HPCAL1: variants seen among roughly 807,000 people sequenced by gnomAD.
HPCAL1 encodes hippocalcin like 1, also known as hippocalcin-like protein 1.
HPCAL1 carries 8 observed loss-of-function variants against 17.1 expected under a neutral mutation model. That is an observed-to-expected ratio of 0.47 (90% CI 0.27 to 0.84). The LOEUF is 0.84. Among genes scored for constraint, HPCAL1 ranks in the 40% least tolerant of loss-of-function variants. The probability of loss-of-function intolerance (pLI) is 0.13; values close to 1 mark genes in which losing one functional copy is unlikely to be tolerated. For missense variants in HPCAL1, 165 were observed against 271.1 expected (o/e 0.61, Z 2.75); for synonymous variants, 112 against 111.4 (o/e 1.01, Z -0.03).
intron 1 of HPCAL1, among the ~76,000 whole-genome samples, chr2:10,325,868 C>T (rs1663977023): frequency 6.6e-6 from 1 of 152,242 alleles, no homozygotes; most frequent in African/African-American, 2.4e-5. Flanking sequence ...ATGGCCATTT[C>T]CTTGCTGCAT....
intron 1 of HPCAL1, among the ~76,000 whole-genome samples, chr2:10,364,321 C>A (rs1392494710): frequency 6.6e-6 from 1 of 152,220 alleles, no homozygotes; most frequent in Non-Finnish European, 1.5e-5. Context: ...CTGGCCAGAG[C>A]CCTGAGCACC....
At chr2:10,376,147 C>T (rs1667544196) in intron 1 of HPCAL1, among the ~76,000 whole-genome samples, 1 of 152,188 alleles carries the variant, frequency 6.6e-6, no homozygotes, top group South Asian at 2.1e-4. Context: ...TAAGCTACAC[C>T]AGAAGCAGAT....
In HPCAL1 at chr2:10,363,513, ACGT is replaced by A. The variant is rs1666648882; in HGVS notation, c.-110-33321_-110-33319del. Among the ~76,000 whole-genome samples, 3 of 152,028 alleles carry A rather than the reference ACGT, an allele frequency of 2.0e-5. No homozygotes were observed. The highest frequency in any genetic ancestry group is 2.9e-5 in the Non-Finnish European group (2 of 68,022). The stretch of plus-strand genomic sequence containing the variant: ...ACATAGTCCTGCCTATACCCTCTAC[ACGT>A]GGCGTTTCAGGTCTGGAGAGTCATG... On this transcript the variant is annotated intron_variant, in intron 1 of 4. Transcript: ENST00000307845. This position sits in a 1 kb window ranked among gnomAD's most constrained non-coding sequence, Gnocchi z 4.7.
Position 10,423,222 on chromosome 2 carries a change from C to T in HPCAL1, c.484+134C>T. The stretch of plus-strand genomic sequence containing the variant: ...CCCCCGCCCGCCACCTGCCTGGCGC[C>T]TGCCATGCCCAGGGAAGAGCGGGAT... On this transcript the variant is annotated intron_variant, in intron 4 of 4. Coordinates refer to ENST00000307845, the MANE Select transcript of HPCAL1 (RefSeq NM_002149.4). The T allele has an allele frequency of 4.4e-6, 3 of 685,448 alleles. No homozygotes were observed. In the South Asian group the frequency reaches 5.1e-5, roughly 12 times the overall value. The allele number at this position is 685,448 out of a possible 1,614,324, so 42.5% of individuals were successfully genotyped here.
At position 10,366,515 on chromosome 2, in the gene HPCAL1, C is replaced by T. The variant is rs537880616; in HGVS notation, c.-110-30320C>T. On this transcript the variant is annotated intron_variant, in intron 1 of 4. Coordinates refer to ENST00000307845, the MANE Select transcript of HPCAL1 (RefSeq NM_002149.4). ...CCTCCCAAAGTGCTGAGATTACAGG[C>T]GTGAGCCACCACGCCTGGCCCCTTA... Among the ~76,000 whole-genome samples, 11 of 152,300 alleles carry T rather than the reference C, an allele frequency of 7.2e-5. No individual in the cohort carries two copies. In the South Asian group the frequency reaches 1.9e-3, roughly 26 times the overall value.
At position 10,419,794 on chromosome 2, in the gene HPCAL1, C is replaced by T. The variant is rs1379978350; in HGVS notation, c.37C>T (p.Leu13=). The T allele has an allele frequency of 1.9e-6, 3 of 1,613,278 alleles. No homozygotes were observed. Among genetic ancestry groups the T allele is most frequent in the Admixed American group, 1.7e-5 (1 of 60,012 alleles). Residue 13 remains leucine, a synonymous_variant, in exon 3 of 5, where the codon CTG becomes TTG. Transcript: ENST00000307845. This position sits in a 1 kb window ranked among gnomAD's most constrained non-coding sequence, Gnocchi z 5.0. ...GAACAGCAAGCTGCGGCCCGAGGTG[C>T]TGCAGGACCTGCGGGAGAACACGGA... ...KQNSKLRPEV[L]QDLRENTEFT...
rs555923167 is a variant in HPCAL1 at position 10,398,523 on chromosome 2, T to G, written c.-25+1603T>G. Among the ~76,000 whole-genome samples the G allele has an allele frequency of 3.9e-4, 60 of 152,288 alleles. 1 individual carries two copies. The highest frequency in any genetic ancestry group is 1.4e-3 in the African/African-American group (59 of 41,554). ...GTGAGGGGTGGAGGGCAGATACCAG[T>G]GGCAGGTTTCATCTGTGGCCCTGGT... is the stretch of plus-strand genomic sequence containing the variant. On this transcript the variant is annotated intron_variant, in intron 2 of 4. Transcript: ENST00000307845.
Position 10,363,157 on chromosome 2 carries a change from A to C in HPCAL1, c.-110-33678A>C, listed in dbSNP as rs1429493452. On this transcript the variant is annotated intron_variant, in intron 1 of 4. Transcript: ENST00000307845. This position sits in a 1 kb window ranked among gnomAD's most constrained non-coding sequence, Gnocchi z 4.7. Reference sequence around the variant, plus strand: ...AAAAAATAAAACCCATTCTCACTCTAACCCATGCTGTATCTGATTTTTTTC... The same window carrying C: ...AAAAAATAAAACCCATTCTCACTCTCACCCATGCTGTATCTGATTTTTTTC... Among the ~76,000 whole-genome samples, 1 of 152,108 alleles carries C rather than the reference A, an allele frequency of 6.6e-6. No individual in the cohort carries two copies. Among genetic ancestry groups the C allele is most frequent in the Non-Finnish European group, 1.5e-5 (1 of 68,030 alleles).
At chr2:10,313,498 C>A (rs909479441) in intron 1 of HPCAL1, among the ~76,000 whole-genome samples, 2 of 152,206 alleles carry the variant, frequency 1.3e-5, no homozygotes, top group Non-Finnish European at 2.9e-5. Flanking sequence ...TAGGTCAGGG[C>A]ACTGCTAGTG....
chr2:10,399,466 T>TCAC (rs1669395090), intron 2 of HPCAL1, among the ~76,000 whole-genome samples: 1 of 35,470 alleles, frequency 2.8e-5, no homozygotes, highest in Non-Finnish European at 6.0e-5. Flanking sequence ...ACCACCACCA[T>TCAC]CACCATCATC....
rs1324265845 is a variant in HPCAL1 at position 10,319,460 on chromosome 2, A to AAGCACAG, written c.-111+16285_-111+16291dup. On this transcript the variant is annotated intron_variant, in intron 1 of 4. Coordinates refer to ENST00000307845, the MANE Select transcript of HPCAL1 (RefSeq NM_002149.4). The stretch of plus-strand genomic sequence containing the variant: ...ACTCTCAGATGAAAAATGCTTGTTC[A>AAGCACAG]AGCACAGACAGCCAGGCATGGCTCA... Among the ~76,000 whole-genome samples the AAGCACAG allele has an allele frequency of 4.6e-5, 7 of 152,148 alleles. No individual in the cohort carries two copies. The South Asian group carries it at 1.5e-3, about 32-fold the overall frequency.
chr2:10,384,310 T>C lies in HPCAL1; in HGVS notation c.-110-12525T>C, dbSNP rs1668168289. Among the ~76,000 whole-genome samples the C allele has an allele frequency of 6.6e-6, 1 of 151,970 alleles. No individual in the cohort carries two copies. The stretch of plus-strand genomic sequence containing the variant: ...TGGTGTTCTTGCAAAATACCCCTTG[T>C]GGGAGGAGAGGGGTGGAGGGAGAGA... On this transcript the variant is annotated intron_variant, in intron 1 of 4. Coordinates refer to ENST00000307845, the MANE Select transcript of HPCAL1 (RefSeq NM_002149.4). This position sits in a 1 kb window ranked among gnomAD's most constrained non-coding sequence, Gnocchi z 4.4.
rs974412474 is a variant in HPCAL1 at position 10,418,055 on chromosome 2, A to AATAG, written c.-24-1668_-24-1665dup. Among the ~76,000 whole-genome samples, 3 of 152,064 alleles carry AATAG rather than the reference A, an allele frequency of 2.0e-5. No individual in the cohort carries two copies. The South Asian group carries it at 6.2e-4, about 32-fold the overall frequency. ...TGTCTCAAAAAATAAATAAATAAAAAATAGATAGATAGATTGATTGATTGA... is the reference window on the plus strand; with the variant it reads ...TGTCTCAAAAAATAAATAAATAAAAAATAGATAGATAGATAGATTGATTGATTGA... On this transcript the variant is annotated intron_variant, in intron 2 of 4. Transcript: ENST00000307845.
rs115939379 is a variant in HPCAL1, at chr2:10,407,519, G to T, written c.-25+10599G>T. ...AGGCCCTGTTTTGGGCCCTGTGGGG[G>T]TACAGTGGTGAACAAAAGGAGGCAG... On this transcript the variant is annotated intron_variant, in intron 2 of 4. Coordinates refer to ENST00000307845, the MANE Select transcript of HPCAL1 (RefSeq NM_002149.4). 2.9e-3 allele frequency among the ~76,000 whole-genome samples: 434 copies of T among 151,416 alleles called. 2 individuals carry two copies. The highest frequency in any genetic ancestry group is 9.3e-3 in the African/African-American group (388 of 41,544).
chr2:10,307,494 G>A (rs1173316517), intron 1 of HPCAL1, among the ~76,000 whole-genome samples: 1 of 152,176 alleles, frequency 6.6e-6, no homozygotes, highest in Non-Finnish European at 1.5e-5. Flanking sequence ...GTCCCCCTGA[G>A]CTGCAGACCT....
At chr2:10,372,175 CA>C (rs1274341173) in intron 1 of HPCAL1, among the ~76,000 whole-genome samples, 2 of 152,200 alleles carry the variant, frequency 1.3e-5, no homozygotes, top group Non-Finnish European at 2.9e-5. Flanking sequence ...GGTCATTCCT[CA>C]ATCGGGGCTA....
At chr2:10,389,528 A>G (rs1668550204) in intron 1 of HPCAL1, among the ~76,000 whole-genome samples, 1 of 152,202 alleles carries the variant, frequency 6.6e-6, no homozygotes, top group South Asian at 2.1e-4. Context: ...CCAGAACTCA[A>G]CTGTGCTGGC....
At chr2:10,317,618 A>G (rs13019187) in intron 1 of HPCAL1, among the ~76,000 whole-genome samples, 90,917 of 152,024 alleles carry the variant, frequency 0.6, 27,654 homozygotes, top group East Asian at 0.81. Context: ...GGGTTTCACC[A>G]GGTTGGCTAG....
At position 10,367,974 on chromosome 2, in the gene HPCAL1, G is replaced by A. The variant is rs370985345; in HGVS notation, c.-110-28861G>A. Among the ~76,000 whole-genome samples, 2 of 151,984 alleles carry A rather than the reference G, an allele frequency of 1.3e-5. No individual in the cohort carries two copies. Among genetic ancestry groups the A allele is most frequent in the African/African-American group, 4.8e-5 (2 of 41,428 alleles). On this transcript the variant is annotated intron_variant, in intron 1 of 4. Coordinates refer to ENST00000307845, the MANE Select transcript of HPCAL1 (RefSeq NM_002149.4). This position sits in a 1 kb window ranked among gnomAD's most constrained non-coding sequence, Gnocchi z 4.4. ...TGTGTATATAGGTGTGTGCATGTGTGTATATACCTGTGTAGGTGTGTATGT... is the reference window on the plus strand; with the variant it reads ...TGTGTATATAGGTGTGTGCATGTGTATATATACCTGTGTAGGTGTGTATGT...
Sources: gnomAD v4.1 joint callset for allele counts (sites outside exome capture counted in the v4.1 genomes callset) on GRCh38, gnomAD v4.1.1 for gene constraint, Gnocchi (gnomAD v3.1) non-coding constraint, MANE v1.5 for transcripts, NCBI Gene and HGNC (gene_info 2026-07-23, HGNC 2026-07-21) for gene names.